WDPCP: variants seen among roughly 807,000 people sequenced by gnomAD.
The protein encoded by WDPCP is WD repeat-containing and planar cell polarity effector protein fritz homolog.
Under a neutral mutation model 93.1 loss-of-function variants are expected in WDPCP, and 71 were observed. The ratio of observed to expected loss-of-function variants is 0.76; its 90% CI spans 0.63 to 0.93. The LOEUF (loss-of-function observed/expected upper bound fraction) is 0.93, where lower values mean the gene tolerates loss of function less well. WDPCP is among the 40% of genes least tolerant of loss of function. The pLI, the probability that WDPCP is intolerant of heterozygous loss-of-function variation, is 0.00. For missense variants in WDPCP, 844 were observed against 887.4 expected (o/e 0.95, Z 0.62); for synonymous variants, 315 against 315.0 (o/e 1.00, Z 0.00).
At chr2:63,684,426 C>A in intron 2 of WDPCP, 1 of 846,854 alleles carries the variant, frequency 1.2e-6, no homozygotes, top group Non-Finnish European at 2.0e-6. Context: ...CTACAGCCAC[C>A]TCTGGTGGCT....
At chr2:63,398,223 G>C (rs1693889450) in intron 10 of WDPCP, among the ~76,000 whole-genome samples, 2 of 152,194 alleles carry the variant, frequency 1.3e-5, no homozygotes, top group South Asian at 4.1e-4. Flanking sequence ...AGCTGATAAT[G>C]TGAGTTTAAG....
intron 2 of WDPCP, among the ~76,000 whole-genome samples, chr2:63,798,811 G>A (rs943279067): frequency 2.0e-5 from 3 of 152,070 alleles, no homozygotes; most frequent in African/African-American, 4.8e-5. Flanking sequence ...AAGACCCAGT[G>A]ATCCGTTGCC....
intron 14 of WDPCP, among the ~76,000 whole-genome samples, chr2:63,231,799 T>A (rs1347259952): frequency 6.6e-6 from 1 of 151,582 alleles, no homozygotes; most frequent in Non-Finnish European, 1.5e-5. Context: ...CAAGCTACCA[T>A]TGACTTTCTT....
intron 13 of WDPCP, among the ~76,000 whole-genome samples, chr2:63,295,127 T>C (rs1045334561): frequency 4.6e-5 from 7 of 151,916 alleles, no homozygotes; most frequent in African/African-American, 7.3e-5. Flanking sequence ...ATCCCCATGA[T>C]AACTGCAAAG....
Position 63,737,669 on chromosome 2 carries a change from G to C in WDPCP, n.308+75953C>G, listed in dbSNP as rs80063850. On this transcript the variant is annotated intron_variant and non_coding_transcript_variant, in intron 2 of 4. Coordinates refer to the WDPCP transcript ENST00000467687. ...AGAAGGCCCATCCCACTAGATACCA[G>C]GCATGTCCAGATATGCCTGAATACT... Among the ~76,000 whole-genome samples, 884 of 152,208 alleles carry C rather than the reference G, an allele frequency of 5.8e-3. 13 individuals carry two copies. Among genetic ancestry groups the C allele is most frequent in the African/African-American group, 0.02 (825 of 41,506 alleles).
intron 6 of WDPCP, chr2:63,443,316 A>C (rs1237759398): frequency 6.6e-6 from 1 of 152,196 alleles, no homozygotes; most frequent in African/African-American, 2.4e-5. Context: ...CAAATTTAGG[A>C]GGGTGCTACT....
intron 2 of WDPCP, among the ~76,000 whole-genome samples, chr2:63,725,080 C>T (rs59430672): frequency 6.6e-6 from 1 of 152,104 alleles, no homozygotes; most frequent in Non-Finnish European, 1.5e-5. Flanking sequence ...AGAGGGGACA[C>T]GTGCAGGTTT....
intron 13 of WDPCP, among the ~76,000 whole-genome samples, chr2:63,271,145 T>C (rs890450980): frequency 2.0e-5 from 3 of 152,200 alleles, no homozygotes; most frequent in African/African-American, 7.2e-5. Flanking sequence ...AGGCTGCCTC[T>C]GGGACAATGG....
chr2:63,281,599 A>G (rs1351280915), intron 13 of WDPCP, among the ~76,000 whole-genome samples: 1 of 152,230 alleles, frequency 6.6e-6, no homozygotes, highest in East Asian at 1.9e-4. Context: ...CAACGAGCGG[A>G]TAAAGAAAAT....
At chr2:63,482,267 C>T (rs960958347) in intron 6 of WDPCP, among the ~76,000 whole-genome samples, 2 of 151,902 alleles carry the variant, frequency 1.3e-5, no homozygotes, top group African/African-American at 2.4e-5. Flanking sequence ...GAGAAAATGA[C>T]GTACATTAGC....
intron 14 of WDPCP, among the ~76,000 whole-genome samples, chr2:63,226,176 A>G (rs1399628640): frequency 6.6e-6 from 1 of 151,920 alleles, no homozygotes; most frequent in Non-Finnish European, 1.5e-5. Flanking sequence ...ATAAAGGTAG[A>G]TGAGGAAAAC....
chr2:63,315,761 A>ATT (rs59248574), intron 12 of WDPCP, among the ~76,000 whole-genome samples: 33 of 149,768 alleles, frequency 2.2e-4, no homozygotes, highest in East Asian at 5.9e-4. Flanking sequence ...AAATAATTTG[A>ATT]TTTTTTTTTT....
chr2:63,391,984 C>T (rs1232021817), intron 10 of WDPCP, among the ~76,000 whole-genome samples: 1 of 152,100 alleles, frequency 6.6e-6, no homozygotes, highest in Admixed American at 6.6e-5. Context: ...AGATTCAATG[C>T]CATCCCCATC....
chr2:63,212,853 G>A (rs6722959), intron 14 of WDPCP, among the ~76,000 whole-genome samples: 134,032 of 151,898 alleles, frequency 0.88, 59,279 homozygotes, highest in South Asian at 0.92. Context: ...CTTTAAACCA[G>A]CAAAGATCAA....
At chr2:63,606,206 A>AC (rs1266648321) in intron 3 of WDPCP, among the ~76,000 whole-genome samples, 97 of 152,126 alleles carry the variant, frequency 6.4e-4, no homozygotes, top group African/African-American at 2.2e-3. Context: ...ACATAGTGAG[A>AC]CCCCCTCTCT....
chr2:63,212,535 G>A (rs1414271976), intron 14 of WDPCP, among the ~76,000 whole-genome samples: 63 of 152,208 alleles, frequency 4.1e-4, no homozygotes, highest in Non-Finnish European at 2.2e-4. Context: ...AAAGACCATC[G>A]ATGCTAGGAA....
At chr2:63,307,363 T>C (rs1685823856) in intron 13 of WDPCP, among the ~76,000 whole-genome samples, 1 of 152,202 alleles carries the variant, frequency 6.6e-6, no homozygotes, top group Admixed American at 6.5e-5. Context: ...CCATTGACTT[T>C]CTTCACAGAA....
chr2:63,199,757 C>T (rs941974346), intron 14 of WDPCP, among the ~76,000 whole-genome samples: 1 of 152,238 alleles, frequency 6.6e-6, no homozygotes, highest in East Asian at 1.9e-4. Flanking sequence ...AACCGACCCA[C>T]AGAGTCCCCA....
intron 12 of WDPCP, among the ~76,000 whole-genome samples, chr2:63,328,763 ACT>A (rs1687759102): frequency 6.6e-6 from 1 of 152,006 alleles, no homozygotes; most frequent in South Asian, 2.1e-4. Flanking sequence ...ACAGGGTCTC[ACT>A]CTGTCACCCA....
Sources: gnomAD v4.1 joint callset for allele counts (sites outside exome capture counted in the v4.1 genomes callset) on GRCh38, gnomAD v4.1.1 for gene constraint, MANE v1.5 for transcripts, NCBI Gene and HGNC (gene_info 2026-07-23, HGNC 2026-07-21) for gene names.